ZNF554: variants seen among roughly 807,000 people sequenced by gnomAD.
ZNF554 encodes the protein zinc finger protein 554.
Under a neutral mutation model 21.2 loss-of-function variants are expected in ZNF554, and 15 were observed. That is an observed-to-expected ratio of 0.71 (90% CI 0.47 to 1.09). The LOEUF (loss-of-function observed/expected upper bound fraction) is 1.09, where lower values mean the gene tolerates loss of function less well. Ranked by LOEUF, ZNF554 falls within the 50% of genes least tolerant of loss-of-function variation. ZNF554 has a pLI of 0.00. For missense variants in ZNF554, 691 were observed against 662.7 expected, an observed-to-expected ratio of 1.04 and a Z score of -0.47; for synonymous variants, 258 against 251.4, an observed-to-expected ratio of 1.03 and a Z score of -0.25.
At position 2,819,967 on chromosome 19, in the gene ZNF554, A is replaced by G. The variant is rs2741993; in HGVS notation, c.-105A>G. ...GGGGCGTCCGCTCCGAGCGCCGAGG[A>G]GCCGAGCGGAGGAGGCGTCCCAGGG... On this transcript the variant is annotated 5_prime_UTR_variant, in exon 1 of 5. Transcript: ENST00000317243. 0.32 allele frequency: 297,011 copies of G among 919,308 alleles called. 51,725 individuals carry two copies. Among genetic ancestry groups the G allele is most frequent in the African/African-American group, 0.64 (36,484 of 57,418 alleles). 56.9% of individuals were successfully genotyped at this position (919,308 alleles called of 1,614,324 possible).
At chr19:2,832,145 C>G in intron 3 of ZNF554, 158 bp from the exon 4 acceptor site, 2 of 576,886 alleles carry the variant, frequency 3.5e-6, no homozygotes, top group South Asian at 2.7e-5. Context: ...AGGCTGGTCT[C>G]AAACTCCTGA....
In ZNF554 at chr19:2,821,699, G is replaced by A. The variant is rs537872368; in HGVS notation, c.54-1341G>A. On this transcript the variant is annotated intron_variant, in intron 1 of 4. Transcript: ENST00000317243. This position sits in a 1 kb window ranked among gnomAD's most constrained non-coding sequence, Gnocchi z 8.2. ...TTTTTATTTTTTGAGATGGGGTCTC[G>A]GTCTGTCACCTGGCTGGAGTGCAGT... 1.0e-4 allele frequency among the ~76,000 whole-genome samples: 15 copies of A among 149,042 alleles called. No homozygotes were observed. The highest frequency in any genetic ancestry group is 1.3e-4 in the Admixed American group (2 of 15,130).
At position 2,834,734 on chromosome 19, in the gene ZNF554, C is replaced by G; in HGVS notation, c.1499C>G (p.Ala500Gly). ...KPYRCQECGK[A>G]FSQSSSLVTH... ...TACAGGTGTCAGGAATGTGGGAAAG[C>G]CTTCAGCCAGAGCTCATCCCTTGTC... Residue 500 changes from alanine to glycine, a missense_variant, in exon 5 of 5, where the codon GCC (alanine) becomes GGC (glycine). Ala to Gly is a moderately conservative substitution (Grantham distance 60). Coordinates refer to ENST00000317243, the MANE Select transcript of ZNF554 (RefSeq NM_001102651.2). 2 of 1,614,078 alleles carry G rather than the reference C, an allele frequency of 1.2e-6. No homozygotes were observed. The highest frequency in any genetic ancestry group is 4.5e-5 in the East Asian group (2 of 44,884).
intron 2 of ZNF554, among the ~76,000 whole-genome samples, chr19:2,826,914 G>A (rs370774712): frequency 1.3e-5 from 2 of 152,106 alleles, no homozygotes; most frequent in African/African-American, 4.8e-5. Context: ...CACCCGCCTC[G>A]GCCTCTCAAA....
Position 2,820,389 on chromosome 19 carries a change from C to T in ZNF554, c.53+265C>T, listed in dbSNP as rs2087246471. ...CAAGGAGAGGGAGAAGACGCATTGA[C>T]TCTACCCTAAAGGCAGAGAGGGGCT... On this transcript the variant is annotated intron_variant, in intron 1 of 4. Coordinates refer to ENST00000317243, the MANE Select transcript of ZNF554 (RefSeq NM_001102651.2). Among the ~76,000 whole-genome samples the T allele has an allele frequency of 2.0e-5, 3 of 152,234 alleles. No individual in the cohort carries two copies. The South Asian group carries it at 6.2e-4, about 31-fold the overall frequency.
rs1477678770 is a variant in ZNF554, at chr19:2,834,658, C to T, written c.1423C>T (p.Gln475Ter). The T allele has an allele frequency of 6.2e-7, 1 of 1,613,920 alleles. No homozygotes were observed. The highest frequency in any genetic ancestry group is 2.2e-5 in the East Asian group (1 of 44,884). Residue 475 changes from glutamine (Q) to a stop codon, truncating the protein, a stop_gained, in exon 5 of 5, where the codon CAG (glutamine) becomes TAG (stop). Transcript: ENST00000317243. LOFTEE classifies it low-confidence loss of function (END_TRUNC). ...TAAGCAGTGTGGGAGAGCCTTCAGC[C>T]AGAGGTCTTCCCTTGTGAGGCACGA... ...ECKQCGRAFS[Q>*]RSSLVRHERT... is the part of the protein sequence containing the mutation.
At chr19:2,833,649 A>G (rs1018821867) in intron 4 of ZNF554, 32 bp from the exon 5 acceptor site, 4 of 1,491,894 alleles carry the variant, frequency 2.7e-6, no homozygotes, top group Non-Finnish European at 2.7e-6. Flanking sequence ...TTCTTCTTCT[A>G]AAAAAATGGT....
At chr19:2,831,816 GTCA>G in intron 3 of ZNF554, 1 of 152,316 alleles carries the variant, frequency 6.6e-6, no homozygotes, top group Non-Finnish European at 1.5e-5. Context: ...CCGGGGTCTT[GTCA>G]TGTTGCTCAG....
In ZNF554 at chr19:2,820,684, CTTT is replaced by C. The variant is rs762586098; in HGVS notation, c.53+574_53+576del. The stretch of plus-strand genomic sequence containing the variant: ...TCCTGGTGATAAGACAGCAAGGGTC[CTTT>C]TTTTTTTTTTTTTGAGACGGAGTCT... On this transcript the variant is annotated intron_variant, in intron 1 of 4. Coordinates refer to ENST00000317243, the MANE Select transcript of ZNF554 (RefSeq NM_001102651.2). Among the ~76,000 whole-genome samples, 171 of 103,158 alleles carry C rather than the reference CTTT, an allele frequency of 1.7e-3. 13 individuals are homozygous for C. The highest frequency in any genetic ancestry group is 7.7e-4 in the Non-Finnish European group (39 of 50,454). 67.7% of individuals were successfully genotyped at this position (103,158 alleles called of 152,430 possible).
Position 2,821,917 on chromosome 19 carries a change from C to T in ZNF554, c.54-1123C>T, listed in dbSNP as rs1238680810. Among the ~76,000 whole-genome samples the T allele has an allele frequency of 6.6e-6, 1 of 151,940 alleles. No homozygotes were observed. Among genetic ancestry groups the T allele is most frequent in the Non-Finnish European group, 1.5e-5 (1 of 68,008 alleles). On this transcript the variant is annotated intron_variant, in intron 1 of 4. Coordinates refer to ENST00000317243, the MANE Select transcript of ZNF554 (RefSeq NM_001102651.2). The surrounding 1 kb of genome is among the most constrained non-coding windows in gnomAD (Gnocchi z 8.2). Reference sequence around the variant, plus strand: ...TGACCTCGTGGTCTGCCCGCCTTGGCCTTTCAAAATGCTGGGATTACAGAC... The same window carrying T: ...TGACCTCGTGGTCTGCCCGCCTTGGTCTTTCAAAATGCTGGGATTACAGAC...
intron 2 of ZNF554, 148 bp downstream of exon 2, chr19:2,823,260 T>G: frequency 2.9e-6 from 2 of 685,220 alleles, no homozygotes; most frequent in Non-Finnish European, 4.8e-6. Context: ...GAGGTACTCC[T>G]GCTGCTCCCA....
Position 2,824,602 on chromosome 19 carries a change from C to T in ZNF554, c.126+1490C>T, listed in dbSNP as rs4511653. On this transcript the variant is annotated intron_variant, in intron 2 of 4. Coordinates refer to ENST00000317243, the MANE Select transcript of ZNF554 (RefSeq NM_001102651.2). ...TACATATGAACTTTACCATCTTAGCCGTTGATAAAACACACATGAAATACA... is the reference window on the plus strand; with the variant it reads ...TACATATGAACTTTACCATCTTAGCTGTTGATAAAACACACATGAAATACA... Among the ~76,000 whole-genome samples the T allele has an allele frequency of 8.4e-5, 8 of 95,018 alleles. No homozygotes were observed. The South Asian group carries it at 1.1e-3, about 13-fold the overall frequency. 62.3% of individuals were successfully genotyped at this position (95,018 alleles called of 152,430 possible).
chr19:2,835,103 A>C lies in ZNF554; in HGVS notation c.*251A>C, dbSNP rs1201192219. 2 of 421,698 alleles carry C rather than the reference A, an allele frequency of 4.7e-6. No homozygotes were observed. Among genetic ancestry groups the C allele is most frequent in the Admixed American group, 7.8e-5 (2 of 25,772 alleles). The allele number at this position is 421,698 out of a possible 1,614,324, so 26.1% of individuals were successfully genotyped here. A position where few individuals can be genotyped will look rare whatever the true frequency, so the allele number is the denominator to read the frequency against. On this transcript the variant is annotated 3_prime_UTR_variant, in exon 5 of 5. Coordinates refer to ENST00000317243, the MANE Select transcript of ZNF554 (RefSeq NM_001102651.2). Reference sequence around the variant, plus strand: ...AGCTTCAACTTCCTGGGCTCAAGTAATCCTCCCACCCCAGCCTCCCAGGTA... The same window carrying C: ...AGCTTCAACTTCCTGGGCTCAAGTACTCCTCCCACCCCAGCCTCCCAGGTA...
At position 2,836,413 on chromosome 19, in the gene ZNF554, T is replaced by C. The variant is rs1276092323; in HGVS notation, c.*1561T>C. 1.3e-5 allele frequency among the ~76,000 whole-genome samples: 2 copies of C among 152,220 alleles called. No individual in the cohort carries two copies. Among genetic ancestry groups the C allele is most frequent in the South Asian group, 2.1e-4 (1 of 4,836 alleles). On this transcript the variant is annotated 3_prime_UTR_variant, in exon 5 of 5. Coordinates refer to ENST00000317243, the MANE Select transcript of ZNF554 (RefSeq NM_001102651.2). ...CAGCATTCTGTTTCAGTGTTTCACA[T>C]TGGCCACTTAGCTAGATCCGTTTGT...
rs563305400 is a variant in ZNF554, at chr19:2,819,988, C to G, written c.-84C>G. On this transcript the variant is annotated 5_prime_UTR_variant, in exon 1 of 5. Transcript: ENST00000317243. ...GAGGAGCCGAGCGGAGGAGGCGTCC[C>G]AGGGACACGCAGGGGAGGCCGGCCG... is the stretch of plus-strand genomic sequence containing the variant. The G allele has an allele frequency of 9.2e-7, 1 of 1,083,444 alleles. No homozygotes were observed. The highest frequency in any genetic ancestry group is 1.7e-5 in the African/African-American group (1 of 60,564). 67.1% of individuals were successfully genotyped at this position (1,083,444 alleles called of 1,614,324 possible).
In ZNF554 at chr19:2,834,032, G is replaced by A; in HGVS notation, c.797G>A (p.Gly266Glu). The A allele has an allele frequency of 6.2e-7, 1 of 1,614,164 alleles. No homozygotes were observed. Reference sequence around the variant, plus strand: ...TCAGTCTTAAACCACCATCAGCTGGGATATGCAGATCGGAGACCTTGTGAA... The same window carrying A: ...TCAGTCTTAAACCACCATCAGCTGGAATATGCAGATCGGAGACCTTGTGAA... ...SDSVLNHHQL[G>E]YADRRPCESN... is the part of the protein sequence containing the mutation. Residue 266 changes from glycine to glutamate, a missense_variant, in exon 5 of 5, where the codon GGA becomes GAA. Coordinates refer to ENST00000317243, the MANE Select transcript of ZNF554 (RefSeq NM_001102651.2).
intron 3 of ZNF554, chr19:2,830,996 C>G (rs2087408358): frequency 6.6e-6 from 1 of 152,126 alleles, no homozygotes; most frequent in South Asian, 2.1e-4. Flanking sequence ...GAACTCATGA[C>G]CTCTAGTGAT....
rs151149775 is a variant in ZNF554, at chr19:2,827,523, T to C, written c.127-94T>C. ...CTTATGGACTTTGCACCTTGACCTT[T>C]CTCAACTTCCCTGGTGCCACCAACC... On this transcript the variant is annotated intron_variant, in intron 2 of 4. Coordinates refer to ENST00000317243, the MANE Select transcript of ZNF554 (RefSeq NM_001102651.2). The C allele has an allele frequency of 2.4e-3, 3,562 of 1,500,846 alleles. 9 individuals are homozygous for C. The highest frequency in any genetic ancestry group is 3.9e-3 in the Admixed American group (174 of 45,098). The allele number at this position is 1,500,846 out of a possible 1,614,324, so 93.0% of individuals were successfully genotyped here.
intron 3 of ZNF554, among the ~76,000 whole-genome samples, chr19:2,829,887 ACT>A (rs536714299): frequency 1.9e-3 from 287 of 151,466 alleles, no homozygotes; most frequent in African/African-American, 6.2e-3. Flanking sequence ...ACCATGAGTC[ACT>A]CTCCATCTCT....
Sources: allele counts gnomAD v4.1 joint callset (sites outside exome capture counted in the v4.1 genomes callset), GRCh38; gene constraint gnomAD v4.1.1; non-coding constraint Gnocchi (gnomAD v3.1); transcripts MANE v1.5; gene names NCBI Gene and HGNC (gene_info 2026-07-23, HGNC 2026-07-21).